Variants in CACNA2D1 observed in about 807,000 individuals in gnomAD.
CACNA2D1 encodes the protein calcium voltage-gated channel auxiliary subunit alpha2delta 1, also known as voltage-dependent calcium channel subunit alpha-2/delta-1.
Under a neutral mutation model 171.5 loss-of-function variants are expected in CACNA2D1, and 53 were observed. The observed-to-expected ratio is 0.31, with a 90% CI of 0.25 to 0.39. The LOEUF (loss-of-function observed/expected upper bound fraction) is 0.39, where lower values mean the gene tolerates loss of function less well. Ranked by LOEUF, CACNA2D1 falls within the 10% of genes least tolerant of loss-of-function variation. The pLI is 1.00. For synonymous variants in CACNA2D1, 442 were observed against 443.1 expected, an observed-to-expected ratio of 1.00 and a Z score of 0.03; for missense variants, 903 against 1,299.8, an observed-to-expected ratio of 0.69 and a Z score of 4.69.
At chr7:82,432,254 T>C (rs1007923551) in intron 1 of CACNA2D1, among the ~76,000 whole-genome samples, 2 of 152,124 alleles carry the variant, frequency 1.3e-5, no homozygotes, top group Non-Finnish European at 2.9e-5. Context: ...GGGAAATAAA[T>C]AGCCCACCCT....
chr7:82,090,592 G>A (rs1420563359), intron 6 of CACNA2D1, among the ~76,000 whole-genome samples: 4 of 151,808 alleles, frequency 2.6e-5, no homozygotes, highest in Non-Finnish European at 4.4e-5. Flanking sequence ...TTATATTTAA[G>A]ACAGTATATT....
intron 3 of CACNA2D1, among the ~76,000 whole-genome samples, chr7:82,235,250 C>T (rs1054120146): frequency 2.6e-5 from 4 of 152,074 alleles, no homozygotes; most frequent in African/African-American, 9.7e-5. Context: ...AAATAAACTC[C>T]TCTCTGCAGA....
intron 12 of CACNA2D1, among the ~76,000 whole-genome samples, chr7:82,019,747 T>C (rs2131008820): frequency 6.6e-6 from 1 of 152,302 alleles, no homozygotes; most frequent in Non-Finnish European, 1.5e-5. Context: ...AATTATCAGT[T>C]ACCCAGAGTT....
At chr7:82,003,076 A>G (rs1798768304) in intron 18 of CACNA2D1, among the ~76,000 whole-genome samples, 1 of 152,128 alleles carries the variant, frequency 6.6e-6, no homozygotes, top group Non-Finnish European at 1.5e-5. Context: ...CTTATACTAT[A>G]TCATCCTTTT....
chr7:82,129,278 A>G (rs1790685499), intron 5 of CACNA2D1, among the ~76,000 whole-genome samples: 1 of 152,212 alleles, frequency 6.6e-6, no homozygotes, highest in African/African-American at 2.4e-5. Context: ...CAGGCCTTCC[A>G]AATCTACAAT....
chr7:82,069,362 A>G (rs965246396), intron 7 of CACNA2D1, among the ~76,000 whole-genome samples: 5 of 152,178 alleles, frequency 3.3e-5, no homozygotes, highest in African/African-American at 1.2e-4. Flanking sequence ...GTGTTTCAGG[A>G]AGATTTGGGG....
At chr7:82,411,823 A>G (rs572933851) in intron 1 of CACNA2D1, among the ~76,000 whole-genome samples, 8 of 152,108 alleles carry the variant, frequency 5.3e-5, no homozygotes, top group Admixed American at 5.2e-4. Context: ...AGAAGTAAAA[A>G]AAAAATTCAC....
In CACNA2D1 at chr7:82,122,340, G is replaced by C. The variant is rs189958905; in HGVS notation, c.397-5167C>G. ...AAATAAGATTAAAGTCGCTGATGAG[G>C]ATTATAATGATGCATTCAAAAGATC... On this transcript the variant is annotated intron_variant, in intron 5 of 38. Transcript: ENST00000356860. 2.6e-5 allele frequency among the ~76,000 whole-genome samples: 4 copies of C among 152,254 alleles called. No homozygotes were observed. In the East Asian group the frequency reaches 7.7e-4, roughly 29 times the overall value.
At position 82,191,757 on chromosome 7, in the gene CACNA2D1, C is replaced by T. The variant is rs180865415; in HGVS notation, c.295-21148G>A. Among the ~76,000 whole-genome samples the T allele has an allele frequency of 1.0e-3, 152 of 151,620 alleles. 1 individual carries two copies. The highest frequency in any genetic ancestry group is 1.6e-3 in the Non-Finnish European group (110 of 67,660). On this transcript the variant is annotated intron_variant, in intron 3 of 38. Transcript: ENST00000356860. ...ATAATCAACTGCAAGTATAAACAGACGTTTGAAAGCAGCAAATCAAAAACC... is the reference window on the plus strand; with the variant it reads ...ATAATCAACTGCAAGTATAAACAGATGTTTGAAAGCAGCAAATCAAAAACC...
intron 3 of CACNA2D1, among the ~76,000 whole-genome samples, chr7:82,252,760 C>T (rs1240113798): frequency 6.6e-6 from 1 of 151,836 alleles, no homozygotes; most frequent in Non-Finnish European, 1.5e-5. Context: ...CGTGGTGGTG[C>T]GTGCCTGTAG....
At chr7:82,257,749 A>G (rs1022738785) in intron 3 of CACNA2D1, among the ~76,000 whole-genome samples, 1 of 152,232 alleles carries the variant, frequency 6.6e-6, no homozygotes, top group Non-Finnish European at 1.5e-5. Flanking sequence ...ACATTTAAAA[A>G]AATACTGGTG....
rs867282035 is a variant in CACNA2D1 at position 82,443,654 on chromosome 7, T to C, written c.-195A>G. Reference sequence around the variant, plus strand: ...GGAGCGGACGCCGAGGAAGGGGCGGTGGCGGGCGGACCCACTAGCGTGCGT... The same window carrying C: ...GGAGCGGACGCCGAGGAAGGGGCGGCGGCGGGCGGACCCACTAGCGTGCGT... On this transcript the variant is annotated 5_prime_UTR_variant, in exon 1 of 39. Transcript: ENST00000356860. 2.7e-4 allele frequency: 342 copies of C among 1,287,752 alleles called. No homozygotes were observed. In the African/African-American group the frequency reaches 4.3e-3, roughly 16 times the overall value. The allele number at this position is 1,287,752 out of a possible 1,614,324, so 79.8% of individuals were successfully genotyped here. A position where few individuals can be genotyped will look rare whatever the true frequency, so the allele number is the denominator to read the frequency against.
At chr7:82,057,400 T>C (rs1165562898) in intron 10 of CACNA2D1, among the ~76,000 whole-genome samples, 1 of 152,146 alleles carries the variant, frequency 6.6e-6, no homozygotes, top group East Asian at 1.9e-4. Flanking sequence ...CATTGAGACT[T>C]CAGGCTCCAC....
intron 1 of CACNA2D1, among the ~76,000 whole-genome samples, chr7:82,422,348 T>C (rs1279157963): frequency 6.6e-6 from 1 of 152,154 alleles, no homozygotes; most frequent in Non-Finnish European, 1.5e-5. Flanking sequence ...ATGTTATTTA[T>C]AAGGAAATTT....
At chr7:82,389,714 A>T (rs986606709) in intron 1 of CACNA2D1, among the ~76,000 whole-genome samples, 1 of 152,198 alleles carries the variant, frequency 6.6e-6, no homozygotes, top group Non-Finnish European at 1.5e-5. Context: ...CCATCTTTAA[A>T]ACACAGTTAA....
At chr7:82,304,598 A>T (rs956182358) in intron 3 of CACNA2D1, among the ~76,000 whole-genome samples, 23 of 152,242 alleles carry the variant, frequency 1.5e-4, no homozygotes, top group African/African-American at 3.9e-4. Flanking sequence ...GAAATAAGCC[A>T]GAAGCAGAAA....
chr7:82,074,527 C>A (rs1273277633), intron 7 of CACNA2D1, among the ~76,000 whole-genome samples: 1 of 152,106 alleles, frequency 6.6e-6, no homozygotes, highest in African/African-American at 2.4e-5. Flanking sequence ...TGTGCCTGGC[C>A]CTCCACATCA....
At chr7:82,106,201 C>G (rs1208830418) in intron 6 of CACNA2D1, among the ~76,000 whole-genome samples, 1 of 152,018 alleles carries the variant, frequency 6.6e-6, no homozygotes. Context: ...GCCTTTCTAC[C>G]TCTAGGGAGA....
intron 3 of CACNA2D1, among the ~76,000 whole-genome samples, chr7:82,301,682 T>C (rs1207192691): frequency 6.6e-6 from 1 of 151,586 alleles, no homozygotes; most frequent in African/African-American, 2.4e-5. Context: ...TTTTCTTACA[T>C]AAATAAGGGA....
Sources: gnomAD v4.1 joint callset for allele counts (sites outside exome capture counted in the v4.1 genomes callset) on GRCh38, gnomAD v4.1.1 for gene constraint, MANE v1.5 for transcripts, NCBI Gene and HGNC (gene_info 2026-07-23, HGNC 2026-07-21) for gene names.